The following SPATA16 variants were observed in gnomAD, a reference collection of about 807,000 sequenced individuals.
SPATA16 encodes the protein spermatogenesis-associated protein 16.
A neutral mutation model predicts 63.3 loss-of-function variants in SPATA16; 36 were observed. The ratio of observed to expected loss-of-function variants is 0.57; its 90% CI spans 0.44 to 0.75. The LOEUF is 0.75. Among genes scored for constraint, SPATA16 ranks in the 30% least tolerant of loss-of-function variants. SPATA16 has a pLI of 0.00. For missense variants in SPATA16, 646 were observed against 679.3 expected, an observed-to-expected ratio of 0.95 and a Z score of 0.54; for synonymous variants, 203 against 216.7, an observed-to-expected ratio of 0.94 and a Z score of 0.56.
intron 2 of SPATA16, among the ~76,000 whole-genome samples, chr3:173,100,990 A>G (rs1489063241): frequency 6.6e-6 from 1 of 152,160 alleles, no homozygotes; most frequent in Non-Finnish European, 1.5e-5. Flanking sequence ...ATTCTAATAA[A>G]CCTCACAGGT....
intron 4 of SPATA16, among the ~76,000 whole-genome samples, chr3:173,009,625 G>A (rs558064890): frequency 2.6e-5 from 4 of 152,338 alleles, no homozygotes; most frequent in African/African-American, 9.6e-5. Context: ...TGCAGCAGCC[G>A]CAGTGCTCAG....
At chr3:172,927,086 C>T (rs1441485003) in intron 6 of SPATA16, among the ~76,000 whole-genome samples, 1 of 152,034 alleles carries the variant, frequency 6.6e-6, no homozygotes, top group Non-Finnish European at 1.5e-5. Context: ...ACACCATTCC[C>T]CTTTTTAAGC....
chr3:172,914,068 C>T (rs994950735), intron 9 of SPATA16, among the ~76,000 whole-genome samples: 4 of 151,894 alleles, frequency 2.6e-5, no homozygotes, highest in African/African-American at 4.8e-5. Flanking sequence ...CAGGAAATGG[C>T]ATGTAGTACA....
At chr3:172,893,711 A>G (rs1731941081) in intron 10 of SPATA16, among the ~76,000 whole-genome samples, 1 of 152,180 alleles carries the variant, frequency 6.6e-6, no homozygotes, top group Non-Finnish European at 1.5e-5. Context: ...CCCCTGGCAC[A>G]GGCTTAGTGT....
chr3:173,123,434 T>A, intron 1 of SPATA16, among the ~76,000 whole-genome samples: 1 of 152,036 alleles, frequency 6.6e-6, no homozygotes, highest in Non-Finnish European at 1.5e-5. Flanking sequence ...TTGATTGGGA[T>A]TTGTACTTTC....
intron 4 of SPATA16, among the ~76,000 whole-genome samples, chr3:173,007,003 A>C (rs1427334822): frequency 6.6e-6 from 1 of 152,206 alleles, no homozygotes; most frequent in Non-Finnish European, 1.5e-5. Context: ...TTCATTTCTA[A>C]AGGAAATGGC....
chr3:172,901,556 T>C (rs1003464570), intron 10 of SPATA16, among the ~76,000 whole-genome samples: 3 of 152,252 alleles, frequency 2.0e-5, no homozygotes, highest in Non-Finnish European at 2.9e-5. Context: ...TCATTGATTG[T>C]CTTTCTTCAT....
chr3:173,021,880 G>A (rs1735340229), intron 3 of SPATA16, among the ~76,000 whole-genome samples: 2 of 152,048 alleles, frequency 1.3e-5, no homozygotes, highest in Non-Finnish European at 2.9e-5. Flanking sequence ...CTGAATGGAT[G>A]TTTCCAGCCT....
intron 3 of SPATA16, among the ~76,000 whole-genome samples, chr3:173,027,583 C>A (rs1735479073): frequency 6.6e-6 from 1 of 151,620 alleles, no homozygotes; most frequent in South Asian, 2.1e-4. Flanking sequence ...CCTCTCTCTC[C>A]TTTTCCTCCT....
intron 3 of SPATA16, among the ~76,000 whole-genome samples, chr3:173,026,731 A>G (rs902595182): frequency 6.6e-6 from 1 of 151,932 alleles, no homozygotes; most frequent in Non-Finnish European, 1.5e-5. Context: ...TCAATTAACC[A>G]TATCTGTGTG....
intron 8 of SPATA16, among the ~76,000 whole-genome samples, chr3:172,918,009 A>C (rs1732533605): frequency 6.6e-6 from 1 of 152,088 alleles, no homozygotes; most frequent in South Asian, 2.1e-4. Context: ...CTTCTTACTC[A>C]CACTAATTTG....
At chr3:172,896,978 G>A (rs188749181) in intron 10 of SPATA16, among the ~76,000 whole-genome samples, 9 of 151,874 alleles carry the variant, frequency 5.9e-5, no homozygotes, top group Admixed American at 5.9e-4. Flanking sequence ...AACTTTTATG[G>A]ATTGTGCTTT....
At chr3:172,951,289 A>C in intron 6 of SPATA16, among the ~76,000 whole-genome samples, 1 of 152,108 alleles carries the variant, frequency 6.6e-6, no homozygotes, top group Admixed American at 6.5e-5. Flanking sequence ...TATATTCCTG[A>C]AACAGAAAAG....
intron 3 of SPATA16, among the ~76,000 whole-genome samples, chr3:173,037,883 CA>C (rs1272296569): frequency 6.6e-6 from 1 of 152,094 alleles, no homozygotes; most frequent in East Asian, 1.9e-4. Flanking sequence ...AGTATAGCCA[CA>C]GGATTTGCAA....
intron 3 of SPATA16, among the ~76,000 whole-genome samples, chr3:173,021,722 TTTTATTTATTTATTTATTTA>T (rs76258278): frequency 3.6e-5 from 5 of 139,718 alleles, no homozygotes; most frequent in Admixed American, 1.4e-4. Context: ...CCCTATTACT[TTTTATTTATTTATTTATTTA>T]TTTATTTATT....
chr3:173,080,499 G>A (rs1463151705), intron 2 of SPATA16, among the ~76,000 whole-genome samples: 1 of 152,144 alleles, frequency 6.6e-6, no homozygotes, highest in Non-Finnish European at 1.5e-5. Flanking sequence ...CAGAGCTGGG[G>A]GTGTGATGGC....
intron 1 of SPATA16, among the ~76,000 whole-genome samples, chr3:173,134,602 A>C (rs1028570967): frequency 3.3e-5 from 5 of 152,174 alleles, no homozygotes; most frequent in African/African-American, 9.7e-5. Flanking sequence ...ATGCAGCATG[A>C]GTTCCTCACC....
chr3:172,935,444 A>C (rs1006927877), intron 6 of SPATA16, among the ~76,000 whole-genome samples: 12 of 152,270 alleles, frequency 7.9e-5, no homozygotes, highest in Non-Finnish European at 1.5e-4. Flanking sequence ...AATAGAAAAA[A>C]CATAAAATAT....
chr3:173,119,793 G>A (rs886320585), intron 1 of SPATA16, among the ~76,000 whole-genome samples: 3 of 152,046 alleles, frequency 2.0e-5, no homozygotes, highest in Admixed American at 6.6e-5. Flanking sequence ...CTGGCCAGGC[G>A]CGATGGCTCA....
Sources: allele counts gnomAD v4.1 joint callset (sites outside exome capture counted in the v4.1 genomes callset), GRCh38; gene constraint gnomAD v4.1.1; transcripts MANE v1.5; gene names NCBI Gene and HGNC (gene_info 2026-07-23, HGNC 2026-07-21).